Variants in DLG2 observed in about 807,000 individuals in gnomAD.
DLG2 encodes disks large homolog 2.
DLG2 carries 45 observed loss-of-function variants against 132.5 expected under a neutral mutation model. The observed-to-expected ratio is 0.34, with a 90% CI of 0.27 to 0.44. DLG2 has a LOEUF of 0.44. DLG2 is among the 20% of genes least tolerant of loss of function. The probability of loss-of-function intolerance (pLI) is 1.00; values close to 1 mark genes in which losing one functional copy is unlikely to be tolerated. For synonymous variants in DLG2, 424 were observed against 419.6 expected (o/e 1.01, Z -0.13); for missense variants, 1,045 against 1,196.9 (o/e 0.87, Z 1.87).
chr11:84,608,825 TG>T (rs1479095405), intron 6 of DLG2, among the ~76,000 whole-genome samples: 11 of 152,236 alleles, frequency 7.2e-5, no homozygotes, highest in Non-Finnish European at 1.2e-4. Flanking sequence ...GATAAGTATA[TG>T]CCAAGCACTG....
At chr11:85,461,635 C>T (rs2092617726) in intron 3 of DLG2, among the ~76,000 whole-genome samples, 1 of 152,140 alleles carries the variant, frequency 6.6e-6, no homozygotes, top group African/African-American at 2.4e-5. Context: ...GGGGAATACT[C>T]CTTGATCTTT....
At chr11:84,476,287 A>G (rs2099121503) in intron 7 of DLG2, among the ~76,000 whole-genome samples, 1 of 152,190 alleles carries the variant, frequency 6.6e-6, no homozygotes, top group South Asian at 2.1e-4. Flanking sequence ...TTATTTCTTT[A>G]GAGTACAAGT....
chr11:84,603,812 G>A (rs1442249474), intron 6 of DLG2, among the ~76,000 whole-genome samples: 1 of 151,956 alleles, frequency 6.6e-6, no homozygotes, highest in Non-Finnish European at 1.5e-5. Context: ...GCTAGGTATT[G>A]TGGGTACTCT....
intron 21 of DLG2, among the ~76,000 whole-genome samples, chr11:83,509,397 T>C (rs2094894091): frequency 6.6e-6 from 1 of 152,220 alleles, no homozygotes. Flanking sequence ...AGGAAAGTCC[T>C]AACTGGAACC....
intron 4 of DLG2, among the ~76,000 whole-genome samples, chr11:85,253,611 CTT>C (rs1401159214): frequency 2.0e-5 from 3 of 152,148 alleles, no homozygotes; most frequent in Non-Finnish European, 4.4e-5. Context: ...TTACAGTACT[CTT>C]TTAGCTCTGC....
intron 6 of DLG2, among the ~76,000 whole-genome samples, chr11:84,931,935 A>C (rs779369125): frequency 6.6e-6 from 1 of 152,250 alleles, no homozygotes; most frequent in South Asian, 2.1e-4. Context: ...GCGTCTGTTC[A>C]TGTCCTTTGC....
intron 17 of DLG2, among the ~76,000 whole-genome samples, chr11:83,825,014 C>T (rs1004031869): frequency 1.2e-4 from 18 of 151,048 alleles, no homozygotes; most frequent in Admixed American, 1.1e-3. Flanking sequence ...TTGCTGAGTG[C>T]CCACAGATTT....
chr11:84,042,268 A>G (rs916438348), intron 11 of DLG2, among the ~76,000 whole-genome samples: 2 of 151,886 alleles, frequency 1.3e-5, no homozygotes, highest in Non-Finnish European at 2.9e-5. Flanking sequence ...CTATTTTCAG[A>G]ATCTATAGTC....
At chr11:84,001,161 C>G (rs941732426) in intron 11 of DLG2, among the ~76,000 whole-genome samples, 5 of 151,694 alleles carry the variant, frequency 3.3e-5, no homozygotes, top group Non-Finnish European at 5.9e-5. Context: ...TGAAAGGTTA[C>G]AAAAACATGA....
chr11:84,478,095 C>T (rs1013606953), intron 7 of DLG2, among the ~76,000 whole-genome samples: 8 of 152,106 alleles, frequency 5.3e-5, no homozygotes, highest in Admixed American at 5.2e-4. Context: ...CCTCTCTAAA[C>T]CTCTATGTAC....
chr11:84,784,695 A>C (rs2072551310), intron 6 of DLG2, among the ~76,000 whole-genome samples: 1 of 152,156 alleles, frequency 6.6e-6, no homozygotes, highest in Non-Finnish European at 1.5e-5. Flanking sequence ...GAAATAGTTA[A>C]TGAAGATTCA....
At chr11:84,555,441 A>T (rs1463243888) in intron 6 of DLG2, among the ~76,000 whole-genome samples, 1 of 142,088 alleles carries the variant, frequency 7.0e-6, no homozygotes, top group Non-Finnish European at 1.6e-5. Context: ...AGAAATATCC[A>T]TATATACACA....
At chr11:85,092,089 T>C (rs1459770157) in intron 6 of DLG2, among the ~76,000 whole-genome samples, 1 of 152,248 alleles carries the variant, frequency 6.6e-6, no homozygotes, top group Non-Finnish European at 1.5e-5. Context: ...AAATTACTCC[T>C]TGATCCATGG....
intron 3 of DLG2, among the ~76,000 whole-genome samples, chr11:85,304,537 C>T (rs143357862): frequency 1.3e-5 from 2 of 152,060 alleles, no homozygotes; most frequent in Non-Finnish European, 2.9e-5. Flanking sequence ...TCTGAAATGC[C>T]CCCAAATCTG....
intron 5 of DLG2, among the ~76,000 whole-genome samples, chr11:85,148,620 T>C (rs1242250960): frequency 6.6e-6 from 1 of 152,252 alleles, no homozygotes; most frequent in Non-Finnish European, 1.5e-5. Context: ...TGTAAATTTC[T>C]TTAAGTTCCT....
chr11:85,303,613 A>G (rs1052605335), intron 3 of DLG2, among the ~76,000 whole-genome samples: 1 of 152,178 alleles, frequency 6.6e-6, no homozygotes, highest in Non-Finnish European at 1.5e-5. Context: ...TTACCATACT[A>G]TCATGTATCA....
intron 11 of DLG2, among the ~76,000 whole-genome samples, chr11:84,050,389 T>C (rs192762204): frequency 1.4e-3 from 213 of 152,070 alleles, no homozygotes; most frequent in Admixed American, 4.3e-3. Context: ...TGTAAATTTG[T>C]TGGAGTTCAT....
chr11:84,305,333 C>A (rs914286821), intron 7 of DLG2, among the ~76,000 whole-genome samples: 1 of 151,942 alleles, frequency 6.6e-6, no homozygotes, highest in Non-Finnish European at 1.5e-5. Flanking sequence ...CCATATTTTA[C>A]AAAGGGTACA....
At chr11:85,432,268 C>G (rs548935587) in intron 3 of DLG2, among the ~76,000 whole-genome samples, 1 of 152,270 alleles carries the variant, frequency 6.6e-6, no homozygotes, top group East Asian at 1.9e-4. Context: ...TGCCTCTTCT[C>G]CTCCAAATGA....
Sources: gnomAD v4.1 joint callset for allele counts (sites outside exome capture counted in the v4.1 genomes callset) on GRCh38, gnomAD v4.1.1 for gene constraint, MANE v1.5 for transcripts, NCBI Gene and HGNC (gene_info 2026-07-23, HGNC 2026-07-21) for gene names.